Variants in CACNA2D1 observed in about 807,000 individuals in gnomAD.
The protein encoded by CACNA2D1 is calcium voltage-gated channel auxiliary subunit alpha2delta 1.
In CACNA2D1, 53 loss-of-function variants were observed where a neutral mutation model predicts 171.5. That is an observed-to-expected ratio of 0.31 (90% CI 0.25 to 0.39). The LOEUF is 0.39. Among genes scored for constraint, CACNA2D1 ranks in the 10% least tolerant of loss-of-function variants. CACNA2D1 has a pLI of 1.00. For synonymous variants in CACNA2D1, 442 were observed against 443.1 expected, an observed-to-expected ratio of 1.00 and a Z score of 0.03; for missense variants, 903 against 1,299.8, an observed-to-expected ratio of 0.69 and a Z score of 4.69.
intron 3 of CACNA2D1, among the ~76,000 whole-genome samples, chr7:82,295,830 T>C (rs1407590464): frequency 2.0e-5 from 3 of 152,012 alleles, no homozygotes; most frequent in Non-Finnish European, 4.4e-5. Context: ...TGCGGCACTA[T>C]TCACAATAGC....
At chr7:82,179,012 A>G (rs1390823000) in intron 3 of CACNA2D1, among the ~76,000 whole-genome samples, 1 of 151,900 alleles carries the variant, frequency 6.6e-6, no homozygotes, top group Non-Finnish European at 1.5e-5. Context: ...GTCATTCAGT[A>G]TTATAATACT....
At chr7:81,990,704 C>A (rs1455321178) in intron 21 of CACNA2D1, among the ~76,000 whole-genome samples, 4 of 152,212 alleles carry the variant, frequency 2.6e-5, no homozygotes, top group African/African-American at 4.8e-5. Context: ...CAAGAGATTA[C>A]TAGGTTTTAG....
chr7:82,138,635 A>G (rs901923107), intron 4 of CACNA2D1, among the ~76,000 whole-genome samples: 11 of 151,862 alleles, frequency 7.2e-5, no homozygotes, highest in Admixed American at 4.6e-4. Flanking sequence ...TTTAGTACAG[A>G]TGGGGTTTTA....
intron 5 of CACNA2D1, among the ~76,000 whole-genome samples, chr7:82,128,413 AG>A (rs1409292441): frequency 1.3e-5 from 2 of 152,188 alleles, no homozygotes; most frequent in African/African-American, 4.8e-5. Flanking sequence ...CTCTAAGTGG[AG>A]GAACGTAGAT....
At chr7:82,043,006 A>C (rs1371516022) in intron 10 of CACNA2D1, among the ~76,000 whole-genome samples, 1 of 152,216 alleles carries the variant, frequency 6.6e-6, no homozygotes, top group Non-Finnish European at 1.5e-5. Flanking sequence ...TTGGCATGTA[A>C]TAAACATGCT....
chr7:82,407,999 C>G (rs1827234537), intron 1 of CACNA2D1, among the ~76,000 whole-genome samples: 1 of 151,404 alleles, frequency 6.6e-6, no homozygotes, highest in Non-Finnish European at 1.5e-5. Context: ...ATTAAAAGGA[C>G]TACACAACCC....
intron 1 of CACNA2D1, among the ~76,000 whole-genome samples, chr7:82,361,648 A>T (rs1398012063): frequency 6.6e-6 from 1 of 152,162 alleles, no homozygotes; most frequent in African/African-American, 2.4e-5. Context: ...TAGGCAGAAA[A>T]AGCACTTTGT....
At chr7:81,951,969 G>GTTTTTTTTTTTTTTGTTT (rs1792584715) in intron 38 of CACNA2D1, among the ~76,000 whole-genome samples, 1 of 71,916 alleles carries the variant, frequency 1.4e-5, no homozygotes, top group African/African-American at 6.1e-5. Flanking sequence ...TGTACAAAGT[G>GTTTTTTTTTTTTTTGTTT]TTTTTTTTTT....
intron 1 of CACNA2D1, among the ~76,000 whole-genome samples, chr7:82,395,200 A>T (rs574979144): frequency 0.072 from 2,135 of 29,802 alleles, 52 homozygotes; most frequent in African/African-American, 0.39. Context: ...CATCAAATTA[A>T]AAAAAAAACA....
intron 1 of CACNA2D1, among the ~76,000 whole-genome samples, chr7:82,362,618 C>G (rs1480254468): frequency 6.6e-6 from 1 of 152,252 alleles, no homozygotes; most frequent in Admixed American, 6.5e-5. Flanking sequence ...TTTCAACTAC[C>G]CTACATGTAT....
At chr7:82,111,608 A>C (rs1435314826) in intron 6 of CACNA2D1, among the ~76,000 whole-genome samples, 1 of 150,950 alleles carries the variant, frequency 6.6e-6, no homozygotes, top group Non-Finnish European at 1.5e-5. Context: ...CCAGCACCCA[A>C]GGCTGTTTTT....
intron 18 of CACNA2D1, among the ~76,000 whole-genome samples, chr7:82,004,377 T>A (rs1356154837): frequency 6.6e-6 from 1 of 151,910 alleles, no homozygotes; most frequent in Non-Finnish European, 1.5e-5. Context: ...TGTGATGAAT[T>A]TGATATGGAA....
intron 10 of CACNA2D1, among the ~76,000 whole-genome samples, chr7:82,046,559 T>C (rs1804581945): frequency 6.6e-6 from 1 of 152,202 alleles, no homozygotes; most frequent in South Asian, 2.1e-4. Flanking sequence ...TTATCTCCCC[T>C]AAGCTGCAGA....
At chr7:82,054,775 CA>C (rs1805603347) in intron 10 of CACNA2D1, among the ~76,000 whole-genome samples, 1 of 152,032 alleles carries the variant, frequency 6.6e-6, no homozygotes, top group South Asian at 2.1e-4. Flanking sequence ...TCACTGGAGT[CA>C]AAAAACTCCT....
At chr7:82,246,548 G>A (rs1209700176) in intron 3 of CACNA2D1, among the ~76,000 whole-genome samples, 4 of 152,136 alleles carry the variant, frequency 2.6e-5, no homozygotes, top group African/African-American at 7.2e-5. Context: ...TGTCTGATCT[G>A]TGAGTGTATG....
chr7:82,005,812 C>T lies in CACNA2D1; in HGVS notation c.1468G>A (p.Val490Ile). 6.2e-7 allele frequency: 1 copy of T among 1,608,028 alleles called. No homozygotes were observed. The highest frequency in any genetic ancestry group is 8.5e-7 in the Non-Finnish European group (1 of 1,174,660). ...KNQLILGVMG[V>I]DVSLEDIKRL... ...TTAATATCTTCCAAAGACACATCTA[C>T]TCCCATCACACCAAGAATCAGCTGG... The change falls in exon 17 of 39, where the codon GTA becomes ATA. Residue 490 changes from valine to isoleucine, a missense_variant. This residue lies in a region of CACNA2D1 where 623 missense variants were observed against 925.5 expected (regional missense o/e 0.67). Transcript: ENST00000356860.
At chr7:82,042,629 G>A (rs1451699343) in intron 10 of CACNA2D1, among the ~76,000 whole-genome samples, 1 of 152,116 alleles carries the variant, frequency 6.6e-6, no homozygotes, top group Non-Finnish European at 1.5e-5. Flanking sequence ...GTGTTAACAT[G>A]GGCATCTGGG....
At position 82,288,210 on chromosome 7, in the gene CACNA2D1, A is replaced by C. The variant is rs1585349010; in HGVS notation, c.294+46925T>G. Among the ~76,000 whole-genome samples, 3 of 152,156 alleles carry C rather than the reference A, an allele frequency of 2.0e-5. No individual in the cohort carries two copies. In the South Asian group the frequency reaches 6.2e-4, roughly 32 times the overall value. ...TCCTGCAATTCTCTTCTTAGCATCC[A>C]TTCCAGTATTAAAACTTGTTTTGTT... On this transcript the variant is annotated intron_variant, in intron 3 of 38. Coordinates refer to ENST00000356860, the MANE Select transcript of CACNA2D1 (RefSeq NM_000722.4).
At chr7:82,066,374 A>C (rs1807601129) in intron 8 of CACNA2D1, 81 bp downstream of exon 8, 1 of 1,541,466 alleles carries the variant, frequency 6.5e-7, no homozygotes, top group East Asian at 2.3e-5. Flanking sequence ...ACTCATCCTA[A>C]TAATAAAAAA....
Sources: allele counts gnomAD v4.1 joint callset (sites outside exome capture counted in the v4.1 genomes callset), GRCh38; gene constraint gnomAD v4.1.1; regional missense constraint gnomAD v4.1.1; transcripts MANE v1.5; gene names NCBI Gene and HGNC (gene_info 2026-07-23, HGNC 2026-07-21).